The following ATF7IP variants were observed in gnomAD, a reference collection of about 807,000 sequenced individuals.
The protein encoded by ATF7IP is activating transcription factor 7 interacting protein, also known as activating transcription factor 7-interacting protein 1.
A neutral mutation model predicts 106.4 loss-of-function variants in ATF7IP; 23 were observed. That is an observed-to-expected ratio of 0.22 (90% confidence interval 0.16 to 0.31). The LOEUF is 0.31. ATF7IP is among the 10% of genes least tolerant of loss of function. The pLI, the probability that ATF7IP is intolerant of heterozygous loss-of-function variation, is 1.00. For missense variants in ATF7IP, 1,334 were observed against 1,524.3 expected, an observed-to-expected ratio of 0.88 and a Z score of 2.08; for synonymous variants, 542 against 539.0, an observed-to-expected ratio of 1.01 and a Z score of -0.08.
At chr12:14,467,749 A>G (rs1943886779) in intron 10 of ATF7IP, among the ~76,000 whole-genome samples, 1 of 151,866 alleles carries the variant, frequency 6.6e-6, no homozygotes, top group Admixed American at 6.6e-5. Context: ...GTCCTTTTGT[A>G]AATGGTGGTT....
At chr12:14,411,548 A>G (rs1940913883) in intron 1 of ATF7IP, among the ~76,000 whole-genome samples, 1 of 152,116 alleles carries the variant, frequency 6.6e-6, no homozygotes, top group Non-Finnish European at 1.5e-5. Flanking sequence ...ATAATTTTAA[A>G]AAAAACAGAA....
At chr12:14,417,622 A>G (rs1188313591) in intron 1 of ATF7IP, among the ~76,000 whole-genome samples, 3 of 152,190 alleles carry the variant, frequency 2.0e-5, no homozygotes, top group Non-Finnish European at 4.4e-5. Context: ...TTCCTCAGGT[A>G]GGAAATTAAT....
At chr12:14,427,385 T>C (rs1169181925) in intron 2 of ATF7IP, among the ~76,000 whole-genome samples, 4 of 150,478 alleles carry the variant, frequency 2.7e-5, no homozygotes, top group African/African-American at 7.3e-5. Context: ...TTTTCCGAGA[T>C]GGAGTCTCGC....
intron 1 of ATF7IP, chr12:14,419,510 T>C (rs2136530715): frequency 6.6e-6 from 1 of 152,330 alleles, no homozygotes; most frequent in East Asian, 1.9e-4. Context: ...AGAATGGCCT[T>C]TCAGTATTTT....
intron 5 of ATF7IP, among the ~76,000 whole-genome samples, chr12:14,445,061 G>A (rs577406977): frequency 2.6e-4 from 38 of 146,426 alleles, no homozygotes; most frequent in African/African-American, 9.0e-4. Context: ...GTGCGATCTC[G>A]GCTCACTGCA....
chr12:14,488,989 G>A (rs1345548175), intron 13 of ATF7IP, among the ~76,000 whole-genome samples: 1 of 152,208 alleles, frequency 6.6e-6, no homozygotes, highest in Non-Finnish European at 1.5e-5. Flanking sequence ...TGGTCACATG[G>A]TAGTAGCTGG....
At chr12:14,422,312 TACAC>T (rs59503201) in intron 1 of ATF7IP, among the ~76,000 whole-genome samples, 17,165 of 142,154 alleles carry the variant, frequency 0.12, 1,132 homozygotes, top group Admixed American at 0.22. Context: ...AAAAAGAGAA[TACAC>T]ACACACACAC....
intron 2 of ATF7IP, among the ~76,000 whole-genome samples, chr12:14,430,076 T>TG (rs1942044920): frequency 6.6e-6 from 1 of 152,160 alleles, no homozygotes. Flanking sequence ...ATTGTGCTTT[T>TG]GGCATTTCAG....
intron 10 of ATF7IP, among the ~76,000 whole-genome samples, chr12:14,473,280 C>CTG (rs767839345): frequency 0.073 from 5,128 of 69,824 alleles, 118 homozygotes; most frequent in African/African-American, 0.13. Flanking sequence ...AGCGCGCTCT[C>CTG]TCTCTCTCTC....
In ATF7IP at chr12:14,497,174, C is replaced by G. The variant is rs1945037213; in HGVS notation, c.3394-480C>G. Among the ~76,000 whole-genome samples the G allele has an allele frequency of 2.6e-5, 4 of 152,110 alleles. No homozygotes were observed. The South Asian group carries it at 8.3e-4, about 31-fold the overall frequency. ...TTGTAAATTGGCCAAGAATATAGTA[C>G]ACATTTAGTGTTAATGTGCTTATTT... On this transcript the variant is annotated intron_variant, in intron 14 of 14. Coordinates refer to ENST00000261168, the MANE Select transcript of ATF7IP (RefSeq NM_018179.5).
At chr12:14,470,843 T>C (rs1565540564) in intron 10 of ATF7IP, among the ~76,000 whole-genome samples, 1 of 152,220 alleles carries the variant, frequency 6.6e-6, no homozygotes, top group Non-Finnish European at 1.5e-5. Context: ...TAGTATATGA[T>C]AATAAATTGT....
rs760791806 is a variant in ATF7IP, at chr12:14,425,280, A to T, written c.1365A>T (p.Thr455=). The part of the protein sequence containing the change: ...SEDELTCFSK[T]SLLPIDETNP... ...ATGAACTTACTTGCTTTTCTAAAACATCTCTCCTTCCAATCGATGAGACAA... is the reference window on the plus strand; with the variant it reads ...ATGAACTTACTTGCTTTTCTAAAACTTCTCTCCTTCCAATCGATGAGACAA... Residue 455 remains threonine, a synonymous_variant, in exon 2 of 15, where the codon ACA becomes ACT. Transcript: ENST00000261168. 1.6e-5 allele frequency: 25 copies of T among 1,599,120 alleles called. No homozygotes were observed. The Admixed American group carries it at 1.6e-4, about 10-fold the overall frequency.
intron 1 of ATF7IP, among the ~76,000 whole-genome samples, chr12:14,422,377 A>AT (rs1941580979): frequency 6.7e-6 from 1 of 150,242 alleles, no homozygotes; most frequent in African/African-American, 2.5e-5. Flanking sequence ...TTTATTTTGA[A>AT]ATTTTTTTGT....
chr12:14,447,759 C>T (rs1943040222), intron 6 of ATF7IP, among the ~76,000 whole-genome samples: 2 of 152,138 alleles, frequency 1.3e-5, no homozygotes, highest in Admixed American at 1.3e-4. Flanking sequence ...CTGTTCTCCC[C>T]TTCCTTTCTT....
At chr12:14,450,563 T>C (rs1943165558) in intron 6 of ATF7IP, among the ~76,000 whole-genome samples, 1 of 152,124 alleles carries the variant, frequency 6.6e-6, no homozygotes, top group Admixed American at 6.5e-5. Flanking sequence ...TTTGGTTTGC[T>C]AATATTTTCT....
chr12:14,455,305 T>C (rs914063679), intron 6 of ATF7IP, among the ~76,000 whole-genome samples: 3 of 152,366 alleles, frequency 2.0e-5, no homozygotes, highest in Middle Eastern at 6.8e-3. Context: ...GCTTTTCTCT[T>C]GTTTTACATT....
chr12:14,408,216 C>T (rs984153558), intron 1 of ATF7IP, among the ~76,000 whole-genome samples: 1 of 151,890 alleles, frequency 6.6e-6, no homozygotes, highest in African/African-American at 2.4e-5. Context: ...CTTTAATTGG[C>T]ACCTAATAAG....
At chr12:14,385,299 G>T in intron 1 of ATF7IP, 1 of 1,195,032 alleles carries the variant, frequency 8.4e-7, no homozygotes, top group Non-Finnish European at 1.2e-6. Flanking sequence ...GTGCAACTGA[G>T]ACTGTGCAGC....
At chr12:14,406,444 T>A (rs750852656) in intron 1 of ATF7IP, among the ~76,000 whole-genome samples, 1 of 152,096 alleles carries the variant, frequency 6.6e-6, no homozygotes, top group Non-Finnish European at 1.5e-5. Flanking sequence ...GATATACTCT[T>A]TTCACTAGTT....
Sources: gnomAD v4.1 joint callset for allele counts (sites outside exome capture counted in the v4.1 genomes callset) on GRCh38, gnomAD v4.1.1 for gene constraint, MANE v1.5 for transcripts, NCBI Gene and HGNC (gene_info 2026-07-23, HGNC 2026-07-21) for gene names.